The following SOX6 variants were observed in gnomAD, a reference collection of about 807,000 sequenced individuals.
SOX6 encodes the protein SRY-box transcription factor 6, also known as transcription factor SOX-6.
In SOX6, 11 loss-of-function variants were observed where a neutral mutation model predicts 97.8. That is an observed-to-expected ratio of 0.11 (90% confidence interval 0.07 to 0.19). The LOEUF is 0.19. Ranked by LOEUF, SOX6 falls within the 10% of genes least tolerant of loss-of-function variation. The pLI, the probability that SOX6 is intolerant of heterozygous loss-of-function variation, is 1.00. For synonymous variants in SOX6, 360 were observed against 371.4 expected (o/e 0.97, Z 0.35); for missense variants, 810 against 1,039.5 (o/e 0.78, Z 3.04).
At chr11:16,008,334 G>C (rs561986656) in intron 13 of SOX6, among the ~76,000 whole-genome samples, 1 of 152,028 alleles carries the variant, frequency 6.6e-6, no homozygotes, top group Non-Finnish European at 1.5e-5. Flanking sequence ...ATTCAGTAAT[G>C]ACATAGACAG....
intron 4 of SOX6, among the ~76,000 whole-genome samples, chr11:16,598,737 T>C (rs1353924059): frequency 6.6e-6 from 1 of 152,052 alleles, no homozygotes; most frequent in Admixed American, 6.6e-5. Flanking sequence ...ATTTTCTTTG[T>C]CTAATTTTAA....
intron 1 of SOX6, among the ~76,000 whole-genome samples, chr11:16,416,275 G>A (rs773219803): frequency 6.6e-6 from 1 of 152,148 alleles, no homozygotes; most frequent in Non-Finnish European, 1.5e-5. Flanking sequence ...TTTTCCTACT[G>A]GTGAGCATCA....
Position 16,487,585 on chromosome 11 carries a change from G to A in SOX6, n.610-11197C>T, listed in dbSNP as rs939714545. 8.5e-5 allele frequency among the ~76,000 whole-genome samples: 13 copies of A among 152,216 alleles called. No individual in the cohort carries two copies. In the East Asian group the frequency reaches 2.5e-3, roughly 29 times the overall value. ...CAGTAGAGTGGCAGAGATTTAAAAA[G>A]CAATCATTTAACAAAATCTTGCAAA... On this transcript the variant is annotated intron_variant and non_coding_transcript_variant, in intron 4 of 5. Coordinates refer to the SOX6 transcript ENST00000524520.
intron 7 of SOX6, among the ~76,000 whole-genome samples, chr11:16,107,032 G>A (rs905475715): frequency 5.9e-5 from 9 of 151,838 alleles, no homozygotes; most frequent in East Asian, 1.9e-4. Context: ...AAATCACAGC[G>A]AGATACCACT....
chr11:16,113,939 A>C (rs1849285362), intron 6 of SOX6, among the ~76,000 whole-genome samples: 1 of 152,180 alleles, frequency 6.6e-6, no homozygotes, highest in Admixed American at 6.6e-5. Flanking sequence ...AACTAGGCTC[A>C]AAAGAAGAAA....
At position 16,583,974 on chromosome 11, in the gene SOX6, T is replaced by C. The variant is rs1848065457; in HGVS notation, n.609+28107A>G. 3.3e-5 allele frequency among the ~76,000 whole-genome samples: 5 copies of C among 152,180 alleles called. No homozygotes were observed. In the South Asian group the frequency reaches 8.3e-4, roughly 25 times the overall value. ...TAACTGGGGCGAGATAATATCACCTTGTGGTTTTGATTTGTATCTCCCTGA... is the reference window on the plus strand; with the variant it reads ...TAACTGGGGCGAGATAATATCACCTCGTGGTTTTGATTTGTATCTCCCTGA... On this transcript the variant is annotated intron_variant and non_coding_transcript_variant, in intron 4 of 5. Transcript: ENST00000524520.
rs1229098614 is a variant in SOX6 at position 16,610,816 on chromosome 11, CTAAAG to C, written n.609+1260_609+1264del. Among the ~76,000 whole-genome samples, 3 of 152,190 alleles carry C rather than the reference CTAAAG, an allele frequency of 2.0e-5. No individual in the cohort carries two copies. In the East Asian group the frequency reaches 5.8e-4, roughly 29 times the overall value. ...GAGAGGCGGAGAGCGCAGCAGCCTG[CTAAAG>C]TAAAGTGCTGGGCTCTCCACCTACC... On this transcript the variant is annotated intron_variant and non_coding_transcript_variant, in intron 4 of 5. Coordinates refer to the SOX6 transcript ENST00000524520. The surrounding 1 kb of genome is among the most constrained non-coding windows in gnomAD (Gnocchi z 4.4).
intron 4 of SOX6, among the ~76,000 whole-genome samples, chr11:16,208,794 A>C (rs1412674053): frequency 6.6e-6 from 1 of 152,196 alleles, no homozygotes; most frequent in African/African-American, 2.4e-5. Flanking sequence ...GACCAATACA[A>C]AATCTTACAA....
Position 16,218,668 on chromosome 11 carries a change from C to T in SOX6, c.535+15914G>A, listed in dbSNP as rs12226621. On this transcript the variant is annotated intron_variant, in intron 4 of 15. Transcript: ENST00000683767. ...TTATATGAAAAAACATATTTTAAAG[C>T]TATGAAAAATATCTCATTTTAAATC... 1.1e-4 allele frequency among the ~76,000 whole-genome samples: 17 copies of T among 152,126 alleles called. 1 individual carries two copies. In the East Asian group the frequency reaches 3.1e-3, roughly 28 times the overall value.
At chr11:16,496,630 CT>C (rs1305849314) in intron 4 of SOX6, among the ~76,000 whole-genome samples, 1 of 152,188 alleles carries the variant, frequency 6.6e-6, no homozygotes, top group African/African-American at 2.4e-5. Flanking sequence ...TAATACTGCA[CT>C]TTTCCAATGG....
At chr11:16,679,502 G>A (rs571619846) in intron 3 of SOX6, among the ~76,000 whole-genome samples, 9 of 152,326 alleles carry the variant, frequency 5.9e-5, no homozygotes, top group African/African-American at 2.2e-4. Flanking sequence ...ACCCACAAAG[G>A]TGGGGAGAAA....
intron 1 of SOX6, among the ~76,000 whole-genome samples, chr11:16,440,442 A>G (rs1346646824): frequency 2.0e-5 from 3 of 152,226 alleles, no homozygotes; most frequent in Non-Finnish European, 4.4e-5. Flanking sequence ...GACGCAGAGC[A>G]TATGTTTATG....
chr11:16,423,699 C>T (rs1025451740), intron 1 of SOX6, among the ~76,000 whole-genome samples: 6 of 151,922 alleles, frequency 3.9e-5, no homozygotes, highest in African/African-American at 1.5e-4. Flanking sequence ...AATGAGACAT[C>T]CAGGTAAAAA....
At chr11:16,050,071 TTATC>T (rs1411475666) in intron 10 of SOX6, 133 bp from the exon 11 acceptor site, 2 of 897,682 alleles carry the variant, frequency 2.2e-6, no homozygotes, top group Non-Finnish European at 3.6e-6. Context: ...AAGAAGCTAA[TTATC>T]TACCTCCTTG....
intron 4 of SOX6, among the ~76,000 whole-genome samples, chr11:16,580,854 G>A (rs376581046): frequency 4.6e-5 from 7 of 152,068 alleles, no homozygotes; most frequent in South Asian, 2.1e-4. Context: ...AAAGCTCAAC[G>A]TCACTGATCA....
At chr11:16,418,417 C>G (rs752348894) in intron 1 of SOX6, among the ~76,000 whole-genome samples, 1 of 152,108 alleles carries the variant, frequency 6.6e-6, no homozygotes, top group East Asian at 1.9e-4. Context: ...GACTGGTACT[C>G]AGACAATGGT....
chr11:16,620,528 T>G (rs1302074122), intron 3 of SOX6, among the ~76,000 whole-genome samples: 1 of 152,180 alleles, frequency 6.6e-6, no homozygotes, highest in Non-Finnish European at 1.5e-5. Context: ...TCAAGCTTCC[T>G]GAGTAGCTGG....
chr11:16,060,517 G>GGTATTCA lies in SOX6; in HGVS notation c.1102-4623_1102-4617dup, dbSNP rs1156230072. The stretch of plus-strand genomic sequence containing the variant: ...AATTGAGTCCAGTGAAAAGATAGAA[G>GGTATTCA]GTATTCACAAAAATTAAAATATCCA... On this transcript the variant is annotated intron_variant, in intron 9 of 15. Coordinates refer to ENST00000683767, the MANE Select transcript of SOX6 (RefSeq NM_001367873.1). Among the ~76,000 whole-genome samples the GGTATTCA allele has an allele frequency of 2.0e-5, 3 of 151,650 alleles. No homozygotes were observed. In the East Asian group the frequency reaches 5.8e-4, roughly 29 times the overall value.
chr11:16,371,031 A>G (rs1205904978), intron 1 of SOX6, among the ~76,000 whole-genome samples: 1 of 152,100 alleles, frequency 6.6e-6, no homozygotes, highest in Non-Finnish European at 1.5e-5. Context: ...TTTGCTCAAA[A>G]TGTTCCAATG....
Sources: gnomAD v4.1 joint callset for allele counts (sites outside exome capture counted in the v4.1 genomes callset) on GRCh38, gnomAD v4.1.1 for gene constraint, Gnocchi (gnomAD v3.1) non-coding constraint, MANE v1.5 for transcripts, NCBI Gene and HGNC (gene_info 2026-07-23, HGNC 2026-07-21) for gene names.